The following ZNF519 variants were observed in gnomAD, a reference collection of about 807,000 sequenced individuals.
ZNF519 encodes the protein similar to Zinc finger protein 85 (Zinc finger protein HPF4) (HTF1).
In ZNF519, 7 loss-of-function variants were observed where a neutral mutation model predicts 7.4. That is an observed-to-expected ratio of 0.94 (90% CI 0.54 to 1.77). The LOEUF (loss-of-function observed/expected upper bound fraction) is 1.77, where lower values mean the gene tolerates loss of function less well. Ranked by LOEUF, ZNF519 falls within the 40% of genes most tolerant of loss-of-function variation. The pLI is 0.00. For synonymous variants in ZNF519, 179 were observed against 203.3 expected, an observed-to-expected ratio of 0.88 and a Z score of 1.02; for missense variants, 586 against 623.1, an observed-to-expected ratio of 0.94 and a Z score of 0.63.
chr18:14,084,010 A>C (rs541823046), intron 3 of ZNF519, among the ~76,000 whole-genome samples: 2 of 152,090 alleles, frequency 1.3e-5, no homozygotes. Flanking sequence ...TGACCCCCCA[A>C]ATGGCCTCTT....
At chr18:14,116,769 G>A (rs1331880807) in intron 2 of ZNF519, among the ~76,000 whole-genome samples, 2 of 152,198 alleles carry the variant, frequency 1.3e-5, no homozygotes, top group African/African-American at 2.4e-5. Context: ...CACTTTGGGA[G>A]CCCAAGGCAG....
intron 1 of ZNF519, among the ~76,000 whole-genome samples, 153 bp from the exon 2 acceptor site, chr18:14,124,629 AG>A (rs2143166965): frequency 6.6e-6 from 1 of 152,236 alleles, no homozygotes; most frequent in East Asian, 1.9e-4. Context: ...TATAACTCTG[AG>A]GGAAAAGGAT....
At chr18:14,076,236 GTT>G (rs1162942446) in exon 5 of ZNF519, 1 of 151,938 alleles carries the variant, frequency 6.6e-6, no homozygotes, top group African/African-American at 2.4e-5. Context: ...TTTAAAAATG[GTT>G]GTATATTTAT....
chr18:14,122,351 C>T (rs1465312567), intron 2 of ZNF519: 6 of 152,058 alleles, frequency 3.9e-5, no homozygotes, highest in African/African-American at 7.2e-5. Context: ...AATTATTAAG[C>T]GGAAAAGATG....
At position 14,091,488 on chromosome 18, in the gene ZNF519, G is replaced by A. The variant is rs117693307; in HGVS notation, c.131-6412C>T. Among the ~76,000 whole-genome samples the A allele has an allele frequency of 8.8e-4, 134 of 152,272 alleles. 2 individuals are homozygous for A. The East Asian group carries it at 0.024, about 27-fold the overall frequency. ...AACTGGGTCTTATGGTGGAAGAGAAGCAGCAAGTGACTTTTGAGTACAAAG... is the reference window on the plus strand; with the variant it reads ...AACTGGGTCTTATGGTGGAAGAGAAACAGCAAGTGACTTTTGAGTACAAAG... On this transcript the variant is annotated intron_variant and NMD_transcript_variant, in intron 2 of 4. Transcript: ENST00000587419.
chr18:14,096,478 C>A (rs1296682531), downstream of ZNF519, among the ~76,000 whole-genome samples: 2 of 152,218 alleles, frequency 1.3e-5, no homozygotes, highest in South Asian at 4.2e-4. Flanking sequence ...CTCTTCTGAC[C>A]TTCCCAGGAC....
At chr18:14,130,887 T>G (rs2143179635) in intron 1 of ZNF519, among the ~76,000 whole-genome samples, 1 of 152,178 alleles carries the variant, frequency 6.6e-6, no homozygotes, top group Admixed American at 6.5e-5. Context: ...GGGATTCTTT[T>G]TTTACAGGAA....
At chr18:14,099,756 G>A (rs984716651), downstream of ZNF519, among the ~76,000 whole-genome samples, 1 of 152,078 alleles carries the variant, frequency 6.6e-6, no homozygotes, top group African/African-American at 2.4e-5. Flanking sequence ...GTGCAAAAAG[G>A]TCTACAAGTC....
At chr18:14,072,633 T>A (rs1047195992), downstream of ZNF519, 1 of 152,182 alleles carries the variant, frequency 6.6e-6, no homozygotes, top group Admixed American at 6.5e-5. Context: ...TGAAATATAT[T>A]CTCTAGGTTT....
At chr18:14,094,493 G>A (rs1681913538) in intron 2 of ZNF519, among the ~76,000 whole-genome samples, 1 of 152,146 alleles carries the variant, frequency 6.6e-6, no homozygotes, top group African/African-American at 2.4e-5. Context: ...ATAAAGAAAT[G>A]TTGAATTTTA....
intron 2 of ZNF519, among the ~76,000 whole-genome samples, chr18:14,119,339 G>A (rs1018922090): frequency 1.3e-5 from 2 of 152,176 alleles, no homozygotes; most frequent in African/African-American, 4.8e-5. Context: ...GGCTGCTTCA[G>A]GGACCACAGC....
At chr18:14,112,983 C>T (rs912546584) in intron 2 of ZNF519, among the ~76,000 whole-genome samples, 1 of 152,070 alleles carries the variant, frequency 6.6e-6, no homozygotes, top group Admixed American at 6.5e-5. Flanking sequence ...AAAATTTTGC[C>T]TTTATGTGGC....
chr18:14,085,861 T>C (rs373419958), intron 2 of ZNF519, among the ~76,000 whole-genome samples: 1 of 152,184 alleles, frequency 6.6e-6, no homozygotes, highest in African/African-American at 2.4e-5. Context: ...GCAGCCCCAA[T>C]AGGACAGTCT....
chr18:14,107,036 G>C (rs1040070358), intron 2 of ZNF519, among the ~76,000 whole-genome samples: 1 of 152,054 alleles, frequency 6.6e-6, no homozygotes, highest in Non-Finnish European at 1.5e-5. Context: ...CACAAGGACT[G>C]CAACTCCCAG....
rs552121829 is a variant in ZNF519 at position 14,132,156 on chromosome 18, A to C, written c.3+119T>G. On this transcript the variant is annotated intron_variant, in intron 1 of 2. Transcript: ENST00000590202. ...AGGACGCCCGGAGTCCCTGCACCGG[A>C]GGGGACTGAGGGCTGAGCTGCAGAC... 5.4e-4 allele frequency: 641 copies of C among 1,176,216 alleles called. 8 individuals are homozygous for C. The East Asian group carries it at 0.014, about 26-fold the overall frequency. 72.9% of individuals were successfully genotyped at this position (1,176,216 alleles called of 1,614,324 possible). A position where few individuals can be genotyped will look rare whatever the true frequency, so the allele number is the denominator to read the frequency against.
At chr18:14,126,472 AACTC>A (rs1459744896) in intron 1 of ZNF519, among the ~76,000 whole-genome samples, 1 of 152,184 alleles carries the variant, frequency 6.6e-6, no homozygotes, top group Non-Finnish European at 1.5e-5. Context: ...GTGGCATCAA[AACTC>A]AAAACAAGGG....
chr18:14,097,546 A>T (rs576539204), downstream of ZNF519, among the ~76,000 whole-genome samples: 7 of 152,278 alleles, frequency 4.6e-5, no homozygotes, highest in South Asian at 1.5e-3. Context: ...GAAAGCAAAG[A>T]TGTGCTGAGA....
At chr18:14,120,944 C>G (rs888722073) in intron 2 of ZNF519, among the ~76,000 whole-genome samples, 1 of 151,934 alleles carries the variant, frequency 6.6e-6, no homozygotes, top group African/African-American at 2.4e-5. Flanking sequence ...TTGTTTACAA[C>G]AGACAAAATA....
intron 2 of ZNF519, among the ~76,000 whole-genome samples, chr18:14,121,340 T>C (rs1388498712): frequency 6.6e-6 from 1 of 151,886 alleles, no homozygotes; most frequent in Non-Finnish European, 1.5e-5. Flanking sequence ...AGACCTTAAG[T>C]ATACTTACTA....
Sources: gnomAD v4.1 joint callset for allele counts (sites outside exome capture counted in the v4.1 genomes callset) on GRCh38, gnomAD v4.1.1 for gene constraint, MANE v1.5 for transcripts, NCBI Gene and HGNC (gene_info 2026-07-23, HGNC 2026-07-21) for gene names.